The following GID4 variants were observed in gnomAD, a reference collection of about 807,000 sequenced individuals.
The protein encoded by GID4 is glucose-induced degradation protein 4 homolog.
In GID4, 7 loss-of-function variants were observed where a neutral mutation model predicts 32.4. The ratio of observed to expected loss-of-function variants is 0.22; its 90% CI spans 0.12 to 0.41. The LOEUF (loss-of-function observed/expected upper bound fraction) is 0.41. Ranked by LOEUF, GID4 falls within the 10% of genes least tolerant of loss-of-function variation. GID4 has a pLI of 1.00. For synonymous variants in GID4, 166 were observed against 170.0 expected, an observed-to-expected ratio of 0.98 and a Z score of 0.18; for missense variants, 309 against 400.0, an observed-to-expected ratio of 0.77 and a Z score of 1.94.
chr17:18,054,657 C>G (rs1178649509), intron 3 of GID4, among the ~76,000 whole-genome samples: 1 of 152,190 alleles, frequency 6.6e-6, no homozygotes, highest in Non-Finnish European at 1.5e-5. Context: ...GGGAATCTGC[C>G]TGCCCACTGG....
At chr17:18,051,928 G>A (rs1370121825) in intron 2 of GID4, among the ~76,000 whole-genome samples, 1 of 151,668 alleles carries the variant, frequency 6.6e-6, no homozygotes, top group African/African-American at 2.4e-5. Context: ...CAAAAAATTA[G>A]ACAGGCGTGG....
chr17:18,054,247 G>T lies in GID4; in HGVS notation c.606+13G>T. ...TCGGAAACACTGGGTGAGTAAATCT[G>T]ATCTGTGCTGGGTCATCTAGGGGCT... On this transcript the variant is annotated intron_variant, in intron 3 of 5. Coordinates refer to ENST00000268719, the MANE Select transcript of GID4 (RefSeq NM_024052.5). 1.3e-6 allele frequency: 2 copies of T among 1,497,400 alleles called. No individual in the cohort carries two copies. The highest frequency in any genetic ancestry group is 2.3e-5 in the South Asian group (2 of 88,358). 92.8% of individuals were successfully genotyped at this position (1,497,400 alleles called of 1,614,324 possible).
intron 2 of GID4, among the ~76,000 whole-genome samples, chr17:18,048,036 GACTACAGGTGCCCGCC>G (rs1366843964): frequency 1.3e-5 from 2 of 151,586 alleles, no homozygotes; most frequent in Non-Finnish European, 2.9e-5. Context: ...GAGTAGCTGG[GACTACAGGTGCCCGCC>G]ACCACACCCG....
In GID4 at chr17:18,066,555, G is replaced by T. The variant is rs530153024; in HGVS notation, c.*1312G>T. ...GCATCAGTTGTAGCCCACAAACATGGCTAGGGCTTTGGGGATTTGGCATTT... is the reference window on the plus strand; with the variant it reads ...GCATCAGTTGTAGCCCACAAACATGTCTAGGGCTTTGGGGATTTGGCATTT... On this transcript the variant is annotated 3_prime_UTR_variant, in exon 6 of 6. Coordinates refer to ENST00000268719, the MANE Select transcript of GID4 (RefSeq NM_024052.5). 22 of 151,938 alleles carry T rather than the reference G, an allele frequency of 1.4e-4. No homozygotes were observed. Among genetic ancestry groups the T allele is most frequent in the African/African-American group, 5.3e-4 (22 of 41,398 alleles). 9.4% of individuals were successfully genotyped at this position (151,938 alleles called of 1,614,324 possible).
At position 18,061,093 on chromosome 17, in the gene GID4, G is replaced by A. The variant is rs1199898889; in HGVS notation, c.709-752G>A. On this transcript the variant is annotated intron_variant, in intron 4 of 5. Coordinates refer to ENST00000268719, the MANE Select transcript of GID4 (RefSeq NM_024052.5). The surrounding 1 kb of genome is among the most constrained non-coding windows in gnomAD (Gnocchi z 4.4). ...TTAGAAGTTGAATAAGGAATGGGAG[G>A]GTGTCTTAAATTTGTTTAAAAAGCA... Among the ~76,000 whole-genome samples the A allele has an allele frequency of 6.6e-6, 1 of 152,080 alleles. No homozygotes were observed. Among genetic ancestry groups the A allele is most frequent in the African/African-American group, 2.4e-5 (1 of 41,398 alleles).
At chr17:18,046,049 C>T (rs1323294184) in intron 2 of GID4, among the ~76,000 whole-genome samples, 1 of 152,146 alleles carries the variant, frequency 6.6e-6, no homozygotes, top group Non-Finnish European at 1.5e-5. Context: ...CTTTCTTTTC[C>T]ATTAGCAAGG....
At position 18,068,374 on chromosome 17, in the gene GID4, T is replaced by TA. The variant is rs113803887; in HGVS notation, c.*3142dup. On this transcript the variant is annotated 3_prime_UTR_variant, in exon 6 of 6. Coordinates refer to ENST00000268719, the MANE Select transcript of GID4 (RefSeq NM_024052.5). ...CAGAGCTATCAATGTCCAAATAATT[T>TA]AAAAAAAAAAATAAAGGTATTTAAG... 6,129 of 150,386 alleles carry TA rather than the reference T, an allele frequency of 0.041. 288 individuals carry two copies. Among genetic ancestry groups the TA allele is most frequent in the African/African-American group, 0.11 (4,610 of 40,884 alleles). 9.3% of individuals were successfully genotyped at this position (150,386 alleles called of 1,614,324 possible). A position where few individuals can be genotyped will look rare whatever the true frequency, so the allele number is the denominator to read the frequency against.
intron 5 of GID4, 28 bp from the exon 6 acceptor site, chr17:18,065,151 CT>C: frequency 6.3e-7 from 1 of 1,581,894 alleles, no homozygotes; most frequent in Non-Finnish European, 8.7e-7. Flanking sequence ...AGATGACTAC[CT>C]CCCGTTTCTG....
intron 2 of GID4, among the ~76,000 whole-genome samples, chr17:18,048,193 G>A (rs59790438): frequency 0.066 from 9,810 of 148,552 alleles, 401 homozygotes; most frequent in African/African-American, 0.12. Flanking sequence ...GAGCCACCAC[G>A]CCTGGCCGAT....
In GID4 at chr17:18,067,138, A is replaced by G. The variant is rs1191745732; in HGVS notation, c.*1895A>G. On this transcript the variant is annotated 3_prime_UTR_variant, in exon 6 of 6. Transcript: ENST00000268719. ...ATGGCCTTGGTTGAGCTGATGGACA[A>G]GTGAAGGAGGCCATGGGGCTGTGCT... The G allele has an allele frequency of 6.6e-6, 1 of 152,366 alleles. No individual in the cohort carries two copies. The highest frequency in any genetic ancestry group is 1.9e-4 in the East Asian group (1 of 5,198). The allele number at this position is 152,366 out of a possible 1,614,324, so 9.4% of individuals were successfully genotyped here. A position where few individuals can be genotyped will look rare whatever the true frequency, so the allele number is the denominator to read the frequency against.
chr17:18,052,451 GT>G (rs2044921268), intron 2 of GID4, among the ~76,000 whole-genome samples: 1 of 152,158 alleles, frequency 6.6e-6, no homozygotes, highest in South Asian at 2.1e-4. Flanking sequence ...TCAGAATGAG[GT>G]TTTTGATGCA....
At chr17:18,051,860 G>A (rs1478911353) in intron 2 of GID4, among the ~76,000 whole-genome samples, 1 of 152,042 alleles carries the variant, frequency 6.6e-6, no homozygotes, top group African/African-American at 2.4e-5. Flanking sequence ...GGATCATGAG[G>A]TCAGGAGATC....
rs559298095 is a variant in GID4 at position 18,059,815 on chromosome 17, G to T, written c.708+846G>T. 2.0e-5 allele frequency among the ~76,000 whole-genome samples: 3 copies of T among 152,130 alleles called. No individual in the cohort carries two copies. The South Asian group carries it at 6.2e-4, about 32-fold the overall frequency. On this transcript the variant is annotated intron_variant, in intron 4 of 5. Coordinates refer to ENST00000268719, the MANE Select transcript of GID4 (RefSeq NM_024052.5). ...AGGAAGTGGGGATCGGCCGGGCGTG[G>T]TGGATCACACCTGTAATCCCAGCAC...
At chr17:18,040,685 C>T (rs2044789189) in intron 1 of GID4, among the ~76,000 whole-genome samples, 1 of 152,208 alleles carries the variant, frequency 6.6e-6, no homozygotes, top group Admixed American at 6.5e-5. Context: ...CCCAGTCTTC[C>T]TGGCCTCTAT....
At chr17:18,054,894 G>A (rs953088190) in intron 3 of GID4, among the ~76,000 whole-genome samples, 14 of 152,164 alleles carry the variant, frequency 9.2e-5, no homozygotes, top group African/African-American at 3.4e-4. Context: ...TGTCTCGGCT[G>A]GGCGCGTTGG....
chr17:18,055,864 A>C (rs1473843856), intron 3 of GID4, among the ~76,000 whole-genome samples: 1 of 150,908 alleles, frequency 6.6e-6, no homozygotes, highest in African/African-American at 2.4e-5. Flanking sequence ...TTTGAGACAG[A>C]GTCTCAGTCT....
chr17:18,042,303 T>G (rs1167723091), intron 1 of GID4, among the ~76,000 whole-genome samples: 1 of 152,248 alleles, frequency 6.6e-6, no homozygotes, highest in Non-Finnish European at 1.5e-5. Context: ...ACCTTGTATG[T>G]AACCCTTAGC....
chr17:18,065,123 C>G, intron 5 of GID4, 57 bp from the exon 6 acceptor site: 1 of 1,312,996 alleles, frequency 7.6e-7, no homozygotes, highest in Non-Finnish European at 1.1e-6. Context: ...TACTAATGTC[C>G]TTTGCTCAGG....
intron 1 of GID4, among the ~76,000 whole-genome samples, 176 bp from the exon 2 acceptor site, chr17:18,044,971 G>T (rs142654429): frequency 6.6e-6 from 1 of 152,354 alleles, no homozygotes; most frequent in African/African-American, 2.4e-5. Flanking sequence ...TGCTTTGGCA[G>T]AACAGGCATG....
Sources: gnomAD v4.1 joint callset for allele counts (sites outside exome capture counted in the v4.1 genomes callset) on GRCh38, gnomAD v4.1.1 for gene constraint, Gnocchi (gnomAD v3.1) non-coding constraint, MANE v1.5 for transcripts, NCBI Gene and HGNC (gene_info 2026-07-23, HGNC 2026-07-21) for gene names.